Variants in CCDC60 observed in about 807,000 individuals in gnomAD.
CCDC60 encodes the protein coiled-coil domain-containing protein 60.
CCDC60 carries 54 observed loss-of-function variants against 63.5 expected under a neutral mutation model. That is an observed-to-expected ratio of 0.85 (90% CI 0.68 to 1.07). The LOEUF is 1.07. Ranked by LOEUF, CCDC60 falls within the 50% of genes least tolerant of loss-of-function variation. The pLI is 0.00. For missense variants in CCDC60, 651 were observed against 684.3 expected, an observed-to-expected ratio of 0.95 and a Z score of 0.54; for synonymous variants, 206 against 238.8, an observed-to-expected ratio of 0.86 and a Z score of 1.27.
intron 2 of CCDC60, among the ~76,000 whole-genome samples, chr12:119,430,071 G>C (rs1025566332): frequency 6.6e-6 from 1 of 152,016 alleles, no homozygotes; most frequent in African/African-American, 2.4e-5. Flanking sequence ...AATGATGAAA[G>C]ATCTGGGATG....
At chr12:119,360,313 C>T (rs1189555332) in intron 1 of CCDC60, among the ~76,000 whole-genome samples, 13 of 149,014 alleles carry the variant, frequency 8.7e-5, no homozygotes, top group African/African-American at 2.2e-4. Context: ...ACCTCCCTCC[C>T]GGACTGGGCG....
intron 1 of CCDC60, among the ~76,000 whole-genome samples, chr12:119,426,039 G>A (rs142100863): frequency 1.3e-5 from 2 of 152,274 alleles, no homozygotes; most frequent in East Asian, 1.9e-4. Context: ...GCAAAAGCAT[G>A]GGAAAGTACT....
intron 2 of CCDC60, among the ~76,000 whole-genome samples, chr12:119,446,701 GTGTGTGCC>G (rs58461663): frequency 0.44 from 66,459 of 151,470 alleles, 14,790 homozygotes; most frequent in South Asian, 0.65. Flanking sequence ...TTTAAAAGCT[GTGTGTGCC>G]TGTGTGGATG....
chr12:119,439,496 CT>C (rs963799513), intron 2 of CCDC60, among the ~76,000 whole-genome samples: 1 of 152,194 alleles, frequency 6.6e-6, no homozygotes, highest in Admixed American at 6.5e-5. Context: ...AATTGTCCCT[CT>C]TTTATCATTT....
intron 1 of CCDC60, among the ~76,000 whole-genome samples, chr12:119,417,262 G>T (rs1956718454): frequency 6.6e-6 from 1 of 152,142 alleles, no homozygotes; most frequent in South Asian, 2.1e-4. Context: ...TTGCAGGAGA[G>T]ATGCTACATT....
chr12:119,444,305 A>G (rs1950499683), intron 2 of CCDC60, among the ~76,000 whole-genome samples: 1 of 152,208 alleles, frequency 6.6e-6, no homozygotes, highest in Non-Finnish European at 1.5e-5. Context: ...TCTTATTACT[A>G]TTTATTAGAA....
chr12:119,374,396 C>T (rs189522315), intron 1 of CCDC60, among the ~76,000 whole-genome samples: 1 of 152,268 alleles, frequency 6.6e-6, no homozygotes, highest in African/African-American at 2.4e-5. Flanking sequence ...GAGAAGTTAA[C>T]TGACTTGCTC....
At chr12:119,422,091 C>T (rs769182188) in intron 1 of CCDC60, among the ~76,000 whole-genome samples, 6 of 152,160 alleles carry the variant, frequency 3.9e-5, no homozygotes, top group Admixed American at 2.0e-4. Flanking sequence ...AGAAAGGATG[C>T]TGTTCACACA....
At position 119,399,743 on chromosome 12, in the gene CCDC60, G is replaced by A. The variant is rs551472318; in HGVS notation, c.91-28940G>A. The stretch of plus-strand genomic sequence containing the variant: ...TGGCTAACCTCAGCCCTCCCACATC[G>A]CACCCTGTGTTCATGTGGCTGCCAC... On this transcript the variant is annotated intron_variant, in intron 1 of 13. Transcript: ENST00000327554. Among the ~76,000 whole-genome samples the A allele has an allele frequency of 5.9e-5, 9 of 152,234 alleles. No individual in the cohort carries two copies. The South Asian group carries it at 1.0e-3, about 18-fold the overall frequency.
At chr12:119,424,523 C>T (rs1041172914) in intron 1 of CCDC60, among the ~76,000 whole-genome samples, 34 of 152,170 alleles carry the variant, frequency 2.2e-4, no homozygotes, top group African/African-American at 8.2e-4. Context: ...ATTTCCTTGG[C>T]TGGGGCAAGA....
intron 6 of CCDC60, among the ~76,000 whole-genome samples, chr12:119,502,272 A>G (rs1486951145): frequency 6.6e-6 from 1 of 152,162 alleles, no homozygotes; most frequent in Non-Finnish European, 1.5e-5. Context: ...ATTTTTATAT[A>G]AAAGTCTCCC....
intron 2 of CCDC60, among the ~76,000 whole-genome samples, chr12:119,451,651 C>A (rs543928308): frequency 6.6e-6 from 1 of 152,114 alleles, no homozygotes; most frequent in African/African-American, 2.4e-5. Flanking sequence ...GATTCTTTGG[C>A]GGCAAAGTCC....
intron 2 of CCDC60, among the ~76,000 whole-genome samples, chr12:119,461,390 C>G (rs1377369823): frequency 6.6e-6 from 1 of 152,110 alleles, no homozygotes; most frequent in Non-Finnish European, 1.5e-5. Context: ...CTAACACCTT[C>G]CCATCGCCCA....
At chr12:119,484,886 G>T (rs1051949413) in intron 4 of CCDC60, among the ~76,000 whole-genome samples, 1 of 152,156 alleles carries the variant, frequency 6.6e-6, no homozygotes, top group Non-Finnish European at 1.5e-5. Context: ...GTAGGCTCAC[G>T]GTCTGGAAAG....
chr12:119,483,843 C>T (rs1951379404), intron 4 of CCDC60, among the ~76,000 whole-genome samples: 1 of 152,010 alleles, frequency 6.6e-6, no homozygotes, highest in Non-Finnish European at 1.5e-5. Context: ...AATGTTCTCT[C>T]TTCTAATTTG....
In CCDC60 at chr12:119,414,296, G is replaced by C. The variant is rs112516709; in HGVS notation, c.91-14387G>C. Among the ~76,000 whole-genome samples the C allele has an allele frequency of 7.3e-3, 1,116 of 152,278 alleles. 11 individuals are homozygous for C. The highest frequency in any genetic ancestry group is 0.012 in the Non-Finnish European group (820 of 68,036). ...AACCTCCCAAAGTGCTGGGATTACA[G>C]GTGTGAGCCACCACGCCCGGCCACT... On this transcript the variant is annotated intron_variant, in intron 1 of 13. Coordinates refer to ENST00000327554, the MANE Select transcript of CCDC60 (RefSeq NM_178499.5).
In CCDC60 at chr12:119,398,543, G is replaced by A. The variant is rs567188809; in HGVS notation, c.91-30140G>A. On this transcript the variant is annotated intron_variant, in intron 1 of 13. Coordinates refer to ENST00000327554, the MANE Select transcript of CCDC60 (RefSeq NM_178499.5). The stretch of plus-strand genomic sequence containing the variant: ...CGCGGCCAGAGTAGGCACCAAGGCC[G>A]AGGAGGCGCCAAGAGTGAGGGCTGC... Among the ~76,000 whole-genome samples the A allele has an allele frequency of 5.9e-5, 9 of 152,338 alleles. 1 individual carries two copies. The highest frequency in any genetic ancestry group is 1.2e-4 in the African/African-American group (5 of 41,580).
At chr12:119,512,843 T>C (rs73219480) in intron 7 of CCDC60, among the ~76,000 whole-genome samples, 3,448 of 152,380 alleles carry the variant, frequency 0.023, 39 homozygotes, top group Middle Eastern at 0.065. Context: ...GTTCCAGTAG[T>C]TGGCTGTCAT....
At chr12:119,425,621 C>G (rs1956886443) in intron 1 of CCDC60, among the ~76,000 whole-genome samples, 1 of 152,172 alleles carries the variant, frequency 6.6e-6, no homozygotes, top group Admixed American at 6.5e-5. Context: ...TTCTCTGACT[C>G]TCTTCTCTGC....
Sources: allele counts gnomAD v4.1 joint callset (sites outside exome capture counted in the v4.1 genomes callset), GRCh38; gene constraint gnomAD v4.1.1; transcripts MANE v1.5; gene names NCBI Gene and HGNC (gene_info 2026-07-23, HGNC 2026-07-21).